TMEM165: variants seen among roughly 807,000 people sequenced by gnomAD.
TMEM165 encodes the protein putative divalent cation/proton antiporter TMEM165.
In TMEM165, 19 loss-of-function variants were observed where a neutral mutation model predicts 30.0. That is an observed-to-expected ratio of 0.63 (90% CI 0.44 to 0.93). TMEM165 has a LOEUF of 0.93. Among genes scored for constraint, TMEM165 ranks in the 40% least tolerant of loss-of-function variants. The pLI, the probability that TMEM165 is intolerant of heterozygous loss-of-function variation, is 0.00. For missense variants in TMEM165, 340 were observed against 417.0 expected (o/e 0.82, Z 1.61); for synonymous variants, 168 against 162.9 (o/e 1.03, Z -0.24).
rs887844689 is a variant in TMEM165 at position 55,449,939 on chromosome 4, T to C, written c.409-2300T>C. ...TTAATTCTTTGCTGAAAGTGGGCAA[T>C]GTCCCTTTAACTCACTGGAAAGGTT... is the stretch of plus-strand genomic sequence containing the variant. On this transcript the variant is annotated intron_variant, in intron 3 of 3. Transcript: ENST00000608091. 1.1e-5 allele frequency: 10 copies of C among 902,212 alleles called. No homozygotes were observed. The African/African-American group carries it at 1.7e-4, about 15-fold the overall frequency. 55.9% of individuals were successfully genotyped at this position (902,212 alleles called of 1,614,324 possible).
chr4:55,402,760 A>G (rs1299971476), intron 1 of TMEM165, among the ~76,000 whole-genome samples: 1 of 95,452 alleles, frequency 1.0e-5, no homozygotes, highest in African/African-American at 4.3e-5. Context: ...GTGCATATAT[A>G]TTTTTGGGCA....
chr4:55,413,827 A>G (rs1373547110), intron 2 of TMEM165, among the ~76,000 whole-genome samples: 3 of 152,242 alleles, frequency 2.0e-5, no homozygotes, highest in African/African-American at 2.4e-5. Context: ...ATACCTGTCT[A>G]TAGTGTGTAC....
Position 55,424,771 on chromosome 4 carries a change from T to A in TMEM165, c.898+128T>A, listed in dbSNP as rs190796116. On this transcript the variant is annotated intron_variant, in intron 5 of 5. Coordinates refer to ENST00000381334, the MANE Select transcript of TMEM165 (RefSeq NM_018475.5). ...GTTTTTCTAATTACCTACCATCTCT[T>A]ATAGAGGTATTAATCCTGGTATTGC... is the stretch of plus-strand genomic sequence containing the variant. The A allele has an allele frequency of 2.7e-5, 16 of 586,654 alleles. No homozygotes were observed. In the East Asian group the frequency reaches 5.6e-4, roughly 21 times the overall value. 36.3% of individuals were successfully genotyped at this position (586,654 alleles called of 1,614,324 possible). A position where few individuals can be genotyped will look rare whatever the true frequency, so the allele number is the denominator to read the frequency against.
downstream of TMEM165, among the ~76,000 whole-genome samples, chr4:55,427,060 G>GAGTCTC (rs1722241492): frequency 7.3e-6 from 1 of 137,028 alleles, no homozygotes; most frequent in Non-Finnish European, 1.6e-5. Flanking sequence ...TTTTGAGAGA[G>GAGTCTC]TCTCACTCTG....
chr4:55,443,955 T>C, intron 3 of TMEM165: 2 of 1,500,350 alleles, frequency 1.3e-6, no homozygotes, highest in Non-Finnish European at 1.8e-6. Context: ...AGAATGAGCA[T>C]TAAAAAGAAG....
chr4:55,403,492 C>CTTTTTTTTTTTTTTTTTTTTTTTT (rs71664292), intron 1 of TMEM165, among the ~76,000 whole-genome samples: 3 of 124,490 alleles, frequency 2.4e-5, no homozygotes, highest in East Asian at 2.4e-4. Context: ...GTGCCTTTTT[C>CTTTTTTTTTTTTTTTTTTTTTTTT]TTTTTCTTTT....
At position 55,396,151 on chromosome 4, in the gene TMEM165, C is replaced by G. The variant is rs1270396499; in HGVS notation, c.-39C>G. 3.8e-6 allele frequency: 5 copies of G among 1,332,832 alleles called. No homozygotes were observed. The highest frequency in any genetic ancestry group is 3.1e-5 in the African/African-American group (2 of 64,390). The allele number at this position is 1,332,832 out of a possible 1,614,324, so 82.6% of individuals were successfully genotyped here. ...CGAGGCTTCCCGTCGCCGGCACTTC[C>G]TCTTGCGGCGCCCGTGCGCGGCCGG... is the stretch of plus-strand genomic sequence containing the variant. On this transcript the variant is annotated 5_prime_UTR_variant, in exon 1 of 6. Transcript: ENST00000381334.
At position 55,443,915 on chromosome 4, in the gene TMEM165, T is replaced by C. The variant is rs375948322; in HGVS notation, c.409-8324T>C. 15 of 1,602,262 alleles carry C rather than the reference T, an allele frequency of 9.4e-6. No individual in the cohort carries two copies. In the African/African-American group the frequency reaches 1.3e-4, roughly 14 times the overall value. The stretch of plus-strand genomic sequence containing the variant: ...AAAACATCTTTAAAAATAAAGATTA[T>C]GTTAAAATGAGCTTTGTAGATTGAA... On this transcript the variant is annotated intron_variant, in intron 3 of 3. Coordinates refer to the TMEM165 transcript ENST00000608091.
At chr4:55,426,224 A>G (rs2109570077), downstream of TMEM165, 1 of 152,322 alleles carries the variant, frequency 6.6e-6, no homozygotes, top group East Asian at 1.9e-4. Context: ...TGATAGGCCA[A>G]TTTCTAAAGC....
downstream of TMEM165, among the ~76,000 whole-genome samples, chr4:55,427,028 T>C (rs958931487): frequency 2.3e-5 from 3 of 132,552 alleles, no homozygotes; most frequent in African/African-American, 8.8e-5. Flanking sequence ...TGAGGAATTC[T>C]CACTAGTATT....
At chr4:55,418,320 ATAT>A (rs1291449369) in intron 4 of TMEM165, among the ~76,000 whole-genome samples, 1 of 152,138 alleles carries the variant, frequency 6.6e-6, no homozygotes, top group Admixed American at 6.5e-5. Flanking sequence ...AATCAGTATA[ATAT>A]TATTGAAGGC....
chr4:55,428,942 G>A (rs1365585978), downstream of TMEM165: 2 of 148,950 alleles, frequency 1.3e-5, no homozygotes, highest in Non-Finnish European at 1.5e-5. Context: ...TTCCAGTATG[G>A]TCTGAATGGT....
intron 1 of TMEM165, among the ~76,000 whole-genome samples, chr4:55,402,392 T>C (rs1274851262): frequency 2.0e-4 from 3 of 15,242 alleles, no homozygotes; most frequent in South Asian, 5.7e-3. Flanking sequence ...TGCGTGCGTG[T>C]GTGTGTGTGT....
intron 4 of TMEM165, among the ~76,000 whole-genome samples, chr4:55,418,802 T>G (rs1721846340): frequency 6.6e-6 from 1 of 152,074 alleles, no homozygotes; most frequent in Non-Finnish European, 1.5e-5. Context: ...ATCCCAGCAC[T>G]TTAGGAGGCC....
Position 55,438,587 on chromosome 4 carries a change from C to T in TMEM165, c.409-13652C>T, listed in dbSNP as rs768788833. 8.7e-6 allele frequency: 14 copies of T among 1,611,264 alleles called. No individual in the cohort carries two copies. The South Asian group carries it at 9.9e-5, about 11-fold the overall frequency. On this transcript the variant is annotated intron_variant, in intron 3 of 3. Transcript: ENST00000608091. ...ATTGGAGTCCAAAGTACAAGGTATACATCATAAAACGCAGTGGAGTAAATA... is the reference window on the plus strand; with the variant it reads ...ATTGGAGTCCAAAGTACAAGGTATATATCATAAAACGCAGTGGAGTAAATA...
chr4:55,427,234 C>G (rs1024235256), downstream of TMEM165, among the ~76,000 whole-genome samples: 1 of 151,460 alleles, frequency 6.6e-6, no homozygotes, highest in African/African-American at 2.4e-5. Context: ...GATGGAGTTT[C>G]GCCATGCTGG....
chr4:55,405,340 A>G (rs549669842), intron 1 of TMEM165, among the ~76,000 whole-genome samples: 2 of 152,266 alleles, frequency 1.3e-5, no homozygotes, highest in African/African-American at 4.8e-5. Context: ...ACATCATTTC[A>G]CTTAAAGTTG....
At chr4:55,438,272 G>A in intron 3 of TMEM165, 1 of 1,614,052 alleles carries the variant, frequency 6.2e-7, no homozygotes, top group African/African-American at 1.3e-5. Flanking sequence ...TTCCCCATGG[G>A]GAGAATTACC....
intron 3 of TMEM165, among the ~76,000 whole-genome samples, chr4:55,439,448 C>T (rs896675875): frequency 5.3e-5 from 8 of 152,112 alleles, no homozygotes; most frequent in African/African-American, 1.9e-4. Flanking sequence ...CTATGGAAAA[C>T]AGTATGCAGT....
Sources: gnomAD v4.1 joint callset for allele counts (sites outside exome capture counted in the v4.1 genomes callset) on GRCh38, gnomAD v4.1.1 for gene constraint, MANE v1.5 for transcripts, NCBI Gene and HGNC (gene_info 2026-07-23, HGNC 2026-07-21) for gene names.